Variants in AVEN observed in about 807,000 individuals in gnomAD.
AVEN encodes the protein cell death regulator Aven.
In AVEN, 41 loss-of-function variants were observed where a neutral mutation model predicts 38.1. The ratio of observed to expected loss-of-function variants is 1.08; its 90% CI spans 0.84 to 1.40. AVEN has a LOEUF of 1.40. AVEN is among the 40% of genes most tolerant of loss of function. The probability of loss-of-function intolerance (pLI) is 0.00; values close to 1 mark genes in which losing one functional copy is unlikely to be tolerated. For missense variants in AVEN, 605 were observed against 438.8 expected, an observed-to-expected ratio of 1.38 and a Z score of -3.38; for synonymous variants, 206 against 171.8, an observed-to-expected ratio of 1.20 and a Z score of -1.56.
chr15:33,933,524 C>CACACACACACACACAGAGAG (rs1893945145), intron 2 of AVEN, among the ~76,000 whole-genome samples: 26 of 46,642 alleles, frequency 5.6e-4, no homozygotes, highest in South Asian at 1.1e-3. Context: ...CACACACACA[C>CACACACACACACACAGAGAG]AGAGAGAGAG....
intron 1 of AVEN, among the ~76,000 whole-genome samples, chr15:34,073,114 C>T (rs1417657747): frequency 6.6e-6 from 1 of 151,464 alleles, no homozygotes; most frequent in African/African-American, 2.4e-5. Context: ...GATCTCGACT[C>T]ACTGCAAGCT....
chr15:34,050,389 A>T (rs1567489050), intron 5 of AVEN, among the ~76,000 whole-genome samples: 2 of 152,232 alleles, frequency 1.3e-5, no homozygotes, highest in Non-Finnish European at 2.9e-5. Flanking sequence ...ACCGGACACT[A>T]CAAAAACACA....
At chr15:33,940,864 G>T (rs1894292833) in intron 2 of AVEN, among the ~76,000 whole-genome samples, 1 of 152,126 alleles carries the variant, frequency 6.6e-6, no homozygotes, top group African/African-American at 2.4e-5. Flanking sequence ...TTATCGCTTA[G>T]GCTGAATAGG....
chr15:34,015,829 A>C (rs1897879325), intron 1 of AVEN, among the ~76,000 whole-genome samples: 1 of 152,262 alleles, frequency 6.6e-6, no homozygotes, highest in African/African-American at 2.4e-5. Flanking sequence ...TTTCAAAGAT[A>C]AAATGATAAA....
Position 34,003,097 on chromosome 15 carries a change from T to A in AVEN, c.380A>T (p.Glu127Val). The change falls in exon 2 of 6, where the codon GAG (glutamate) becomes GTG (valine). Residue 127 changes from glutamate to valine, a missense_variant. Glu to Val is a moderately radical substitution (Grantham distance 121, BLOSUM62 -2). Transcript: ENST00000306730. ...NWDRYQDIEK[E>V]VNNESGESQR... ...TGACTCTCCACTTTCATTATTGACC[T>A]CTTTTTCAATATCTTGATATCGATC... 1 of 1,613,928 alleles carries A rather than the reference T, an allele frequency of 6.2e-7. No individual in the cohort carries two copies. Among genetic ancestry groups the A allele is most frequent in the Non-Finnish European group, 8.5e-7 (1 of 1,179,836 alleles).
At chr15:33,961,625 A>T (rs921287641) in intron 2 of AVEN, among the ~76,000 whole-genome samples, 12 of 151,516 alleles carry the variant, frequency 7.9e-5, no homozygotes, top group Non-Finnish European at 1.3e-4. Context: ...CATTCTGGCT[A>T]ACACGGTGAA....
At chr15:33,961,544 T>C (rs147186806) in intron 2 of AVEN, among the ~76,000 whole-genome samples, 1 of 151,378 alleles carries the variant, frequency 6.6e-6, no homozygotes, top group Non-Finnish European at 1.5e-5. Flanking sequence ...CTGGGTGAGG[T>C]GGCTCATGCC....
At chr15:33,926,774 C>T (rs1487000077) in intron 2 of AVEN, among the ~76,000 whole-genome samples, 2 of 152,116 alleles carry the variant, frequency 1.3e-5, no homozygotes, top group Non-Finnish European at 2.9e-5. Flanking sequence ...CCCACCTCAG[C>T]CTCCCGAGTA....
chr15:34,074,147 G>A (rs1290235638), intron 1 of AVEN, among the ~76,000 whole-genome samples: 7 of 149,904 alleles, frequency 4.7e-5, no homozygotes, highest in Non-Finnish European at 1.0e-4. Flanking sequence ...ACAGGTGCAC[G>A]CCACCACACC....
chr15:33,942,092 C>T (rs1249221396), intron 2 of AVEN, among the ~76,000 whole-genome samples: 1 of 152,112 alleles, frequency 6.6e-6, no homozygotes, highest in Non-Finnish European at 1.5e-5. Flanking sequence ...GACTTACTGT[C>T]AAATCTCAAT....
At chr15:33,853,652 C>A in the AVEN span, 1 of 1,613,880 alleles carries the variant, frequency 6.2e-7, no homozygotes, top group Middle Eastern at 1.6e-4. Context: ...GTAGAAGAGA[C>A]CAAAGCAGAA....
intron 4 of AVEN, among the ~76,000 whole-genome samples, chr15:33,868,843 T>C (rs1890814439): frequency 6.6e-6 from 1 of 152,182 alleles, no homozygotes; most frequent in African/African-American, 2.4e-5. Flanking sequence ...ATCCGGATGC[T>C]CATTCCATGT....
At chr15:34,025,760 G>GTGTGTGTT (rs1555517767) in intron 1 of AVEN, among the ~76,000 whole-genome samples, 15 of 151,760 alleles carry the variant, frequency 9.9e-5, no homozygotes, top group Middle Eastern at 3.4e-3. Flanking sequence ...GGTTTTGCGT[G>GTGTGTGTT]TGTGTGTGTG....
chr15:33,877,572 C>G (rs960305389), intron 2 of AVEN, among the ~76,000 whole-genome samples: 3 of 152,194 alleles, frequency 2.0e-5, no homozygotes, highest in Non-Finnish European at 2.9e-5. Context: ...CCCAGCACTT[C>G]GGGAAGCCGA....
At chr15:33,863,312 G>A (rs1889183073), downstream of AVEN, among the ~76,000 whole-genome samples, 1 of 152,196 alleles carries the variant, frequency 6.6e-6, no homozygotes, top group South Asian at 2.1e-4. Flanking sequence ...CTCAGTAAAT[G>A]AGAAGCGGAA....
chr15:33,985,841 A>G (rs1008068034), intron 2 of AVEN, among the ~76,000 whole-genome samples: 1 of 152,152 alleles, frequency 6.6e-6, no homozygotes, highest in Non-Finnish European at 1.5e-5. Context: ...AATGTTCAAA[A>G]ATAGAAGTTC....
At chr15:33,904,180 G>A (rs1297498419) in intron 2 of AVEN, among the ~76,000 whole-genome samples, 2 of 152,150 alleles carry the variant, frequency 1.3e-5, no homozygotes, top group Admixed American at 6.6e-5. Flanking sequence ...AGCATTTTGG[G>A]AGGCCAAGAC....
In AVEN at chr15:34,031,588, G is replaced by C. The variant is rs1898830379; in HGVS notation, c.267+7192C>G. On this transcript the variant is annotated intron_variant, in intron 1 of 5. Coordinates refer to ENST00000306730, the MANE Select transcript of AVEN (RefSeq NM_020371.3). Reference sequence around the variant, plus strand: ...GTCCTTAATGGCAAGAGGACTCAAAGGTAGAATTAAGTTTTTACAACAGGG... The same window carrying C: ...GTCCTTAATGGCAAGAGGACTCAAACGTAGAATTAAGTTTTTACAACAGGG... Among the ~76,000 whole-genome samples the C allele has an allele frequency of 2.6e-5, 4 of 152,090 alleles. No homozygotes were observed. In the South Asian group the frequency reaches 8.3e-4, roughly 32 times the overall value.
At chr15:34,014,903 G>A (rs554738450) in intron 1 of AVEN, among the ~76,000 whole-genome samples, 19 of 152,278 alleles carry the variant, frequency 1.2e-4, no homozygotes, top group African/African-American at 4.6e-4. Flanking sequence ...TTGAGCAGAA[G>A]AGGAATAATA....
Sources: allele counts gnomAD v4.1 joint callset (sites outside exome capture counted in the v4.1 genomes callset), GRCh38; gene constraint gnomAD v4.1.1; transcripts MANE v1.5; gene names NCBI Gene and HGNC (gene_info 2026-07-23, HGNC 2026-07-21).